Variants in TBC1D5 observed in about 807,000 individuals in gnomAD.
The protein encoded by TBC1D5 is TBC1 domain family member 5.
A neutral mutation model predicts 100.3 loss-of-function variants in TBC1D5; 75 were observed. The ratio of observed to expected loss-of-function variants is 0.75; its 90% confidence interval spans 0.62 to 0.91. TBC1D5 has a LOEUF of 0.91. TBC1D5 is among the 40% of genes least tolerant of loss of function. The probability of loss-of-function intolerance (pLI) is 0.00; values close to 1 mark genes in which losing one functional copy is unlikely to be tolerated. For missense variants in TBC1D5, 910 were observed against 942.4 expected (o/e 0.97, Z 0.45); for synonymous variants, 323 against 325.6 (o/e 0.99, Z 0.09).
intron 1 of TBC1D5, among the ~76,000 whole-genome samples, chr3:17,650,071 C>T (rs1017432537): frequency 2.0e-5 from 3 of 151,972 alleles, no homozygotes; most frequent in Admixed American, 6.6e-5. Flanking sequence ...CATGTTCTCA[C>T]TCATAAGTGG....
At position 17,308,350 on chromosome 3, in the gene TBC1D5, G is replaced by T. The variant is rs186963089; in HGVS notation, c.996-216C>A. On this transcript the variant is annotated intron_variant, in intron 13 of 21. Coordinates refer to ENST00000253692, the Ensembl canonical transcript of TBC1D5. The stretch of plus-strand genomic sequence containing the variant: ...TCATTAAATACTATTATATACACAC[G>T]TATTATACATATATATGAAAAAAGT... Among the ~76,000 whole-genome samples the T allele has an allele frequency of 3.3e-5, 5 of 151,662 alleles. No homozygotes were observed. The East Asian group carries it at 9.6e-4, about 29-fold the overall frequency.
At chr3:17,280,716 C>T (rs1034454428) in intron 15 of TBC1D5, among the ~76,000 whole-genome samples, 8 of 152,150 alleles carry the variant, frequency 5.3e-5, no homozygotes, top group Admixed American at 5.2e-4. Context: ...GCATTCATCA[C>T]CTTTCAATTC....
At chr3:17,304,288 G>A (rs879788572) in intron 14 of TBC1D5, among the ~76,000 whole-genome samples, 22 of 152,178 alleles carry the variant, frequency 1.4e-4, no homozygotes, top group Non-Finnish European at 2.9e-4. Context: ...ATATGGGAGG[G>A]AAACCAAGAC....
At chr3:17,486,678 C>T (rs145958114) in intron 3 of TBC1D5, among the ~76,000 whole-genome samples, 12 of 152,258 alleles carry the variant, frequency 7.9e-5, no homozygotes, top group East Asian at 1.9e-4. Context: ...TTAATAAAGA[C>T]GGGCTGCACT....
intron 2 of TBC1D5, among the ~76,000 whole-genome samples, chr3:17,516,021 C>T (rs1262286429): frequency 6.6e-6 from 1 of 152,182 alleles, no homozygotes; most frequent in Non-Finnish European, 1.5e-5. Flanking sequence ...GAGGGAAGGC[C>T]AGCAGCTAAG....
intron 19 of TBC1D5, among the ~76,000 whole-genome samples, chr3:17,175,080 G>A (rs1185470427): frequency 1.3e-5 from 2 of 152,196 alleles, no homozygotes; most frequent in Non-Finnish European, 2.9e-5. Flanking sequence ...GGTAGGGGCA[G>A]GTGAAGAGAA....
intron 13 of TBC1D5, 110 bp downstream of exon 13, chr3:17,371,965 G>A: frequency 9.6e-7 from 1 of 1,043,020 alleles, no homozygotes; most frequent in Non-Finnish European, 1.3e-6. Flanking sequence ...TGAGCCCAGG[G>A]GGCAGAGTTT....
rs141326045 is a variant in TBC1D5, at chr3:17,226,004, G to A, written c.1589-11634C>T. ...TGAGCATATGTGGATTTTGGTATCCGCAGGGGTCCTGGAACCAATCCCCCA... is the reference window on the plus strand; with the variant it reads ...TGAGCATATGTGGATTTTGGTATCCACAGGGGTCCTGGAACCAATCCCCCA... On this transcript the variant is annotated intron_variant, in intron 17 of 21. Coordinates refer to ENST00000253692, the Ensembl canonical transcript of TBC1D5. Among the ~76,000 whole-genome samples the A allele has an allele frequency of 9.2e-3, 1,393 of 151,932 alleles. 23 individuals carry two copies. The highest frequency in any genetic ancestry group is 0.031 in the African/African-American group (1,299 of 41,406).
At chr3:17,623,222 G>A (rs1327559818) in intron 2 of TBC1D5, among the ~76,000 whole-genome samples, 1 of 152,140 alleles carries the variant, frequency 6.6e-6, no homozygotes, top group African/African-American at 2.4e-5. Context: ...TAGTAGGTAT[G>A]GGGTTAGGTC....
intron 2 of TBC1D5, among the ~76,000 whole-genome samples, chr3:17,552,346 G>A (rs1435113148): frequency 6.6e-6 from 1 of 152,036 alleles, no homozygotes; most frequent in Non-Finnish European, 1.5e-5. Flanking sequence ...GATTTCAAAG[G>A]AAAATCAAAA....
chr3:17,731,764 A>G (rs942664103), intron 1 of TBC1D5, among the ~76,000 whole-genome samples: 1 of 152,172 alleles, frequency 6.6e-6, no homozygotes, highest in Non-Finnish European at 1.5e-5. Flanking sequence ...ATGAGGATGT[A>G]GAGAATGGAG....
chr3:17,610,803 G>A (rs2061619177), intron 2 of TBC1D5, among the ~76,000 whole-genome samples: 2 of 152,144 alleles, frequency 1.3e-5, no homozygotes, highest in Non-Finnish European at 2.9e-5. Context: ...GATCACCTGA[G>A]GTTAGAAGTT....
At chr3:17,453,227 T>C (rs2094970787) in intron 3 of TBC1D5, among the ~76,000 whole-genome samples, 1 of 151,320 alleles carries the variant, frequency 6.6e-6, no homozygotes, top group South Asian at 2.1e-4. Flanking sequence ...AAATTCCAAA[T>C]AGTTAACTAA....
intron 1 of TBC1D5, among the ~76,000 whole-genome samples, chr3:17,651,660 G>A (rs1272080870): frequency 6.6e-6 from 1 of 151,664 alleles, no homozygotes; most frequent in Non-Finnish European, 1.5e-5. Context: ...CCAAGATTGC[G>A]CTACTGCACT....
intron 1 of TBC1D5, among the ~76,000 whole-genome samples, chr3:17,630,186 AATTAAACTCCACAAGC>A (rs1350598583): frequency 6.6e-6 from 1 of 152,194 alleles, no homozygotes; most frequent in African/African-American, 2.4e-5. Flanking sequence ...TCCTAAAAAG[AATTAAACTCCACAAGC>A]AAGCTGCAAA....
At chr3:17,470,176 TCAAGAC>T (rs1320938869) in intron 3 of TBC1D5, among the ~76,000 whole-genome samples, 1 of 152,234 alleles carries the variant, frequency 6.6e-6, no homozygotes, top group Non-Finnish European at 1.5e-5. Context: ...TTCCCCTTAG[TCAAGAC>T]CAGTGACTAT....
At chr3:17,522,260 C>T (rs2096071474) in intron 2 of TBC1D5, among the ~76,000 whole-genome samples, 1 of 152,124 alleles carries the variant, frequency 6.6e-6, no homozygotes, top group South Asian at 2.1e-4. Flanking sequence ...GATTTGTACA[C>T]ATGTAAACTT....
chr3:17,364,361 G>C (rs561595418), intron 13 of TBC1D5, among the ~76,000 whole-genome samples: 1 of 151,916 alleles, frequency 6.6e-6, no homozygotes, highest in Non-Finnish European at 1.5e-5. Context: ...CCACATGCCA[G>C]GTTCAGTTTA....
intron 16 of TBC1D5, among the ~76,000 whole-genome samples, chr3:17,245,595 G>A (rs976894473): frequency 1.3e-5 from 2 of 152,214 alleles, no homozygotes; most frequent in African/African-American, 4.8e-5. Flanking sequence ...GGTGACAAGA[G>A]TAGACGTAAG....
Sources: gnomAD v4.1 joint callset for allele counts (sites outside exome capture counted in the v4.1 genomes callset) on GRCh38, gnomAD v4.1.1 for gene constraint, MANE v1.5 for transcripts, NCBI Gene and HGNC (gene_info 2026-07-23, HGNC 2026-07-21) for gene names.